The following ATP8A2 variants were observed in gnomAD, a reference collection of about 807,000 sequenced individuals.
The protein encoded by ATP8A2 is ATPase phospholipid transporting 8A2, also known as phospholipid-transporting ATPase IB.
In ATP8A2, 100 loss-of-function variants were observed where a neutral mutation model predicts 165.6. That is an observed-to-expected ratio of 0.60 (90% CI 0.51 to 0.71). ATP8A2 has a LOEUF of 0.71. ATP8A2 is among the 30% of genes least tolerant of loss of function. The pLI, the probability that ATP8A2 is intolerant of heterozygous loss-of-function variation, is 0.00. For synonymous variants in ATP8A2, 543 were observed against 548.8 expected (o/e 0.99, Z 0.15); for missense variants, 1,227 against 1,479.5 (o/e 0.83, Z 2.80).
At chr13:25,890,039 G>A (rs1953308727) in intron 33 of ATP8A2, among the ~76,000 whole-genome samples, 1 of 152,094 alleles carries the variant, frequency 6.6e-6, no homozygotes, top group African/African-American at 2.4e-5. Flanking sequence ...GCACGTGCCT[G>A]TAATCCCAGC....
At chr13:25,619,168 A>G (rs1372229941) in intron 24 of ATP8A2, among the ~76,000 whole-genome samples, 7 of 152,182 alleles carry the variant, frequency 4.6e-5, no homozygotes. Context: ...CTTTTCAGGG[A>G]GCAGAGGACA....
At chr13:25,979,393 C>T (rs566870867) in intron 35 of ATP8A2, among the ~76,000 whole-genome samples, 7 of 152,232 alleles carry the variant, frequency 4.6e-5, no homozygotes, top group South Asian at 4.1e-4. Flanking sequence ...CTTCTGTAGA[C>T]CAGGACACGT....
chr13:25,739,913 T>C (rs576868026), intron 25 of ATP8A2, among the ~76,000 whole-genome samples: 174 of 152,286 alleles, frequency 1.1e-3, no homozygotes, highest in African/African-American at 4.0e-3. Context: ...AGAAGAAATG[T>C]GCACCAAAAT....
intron 25 of ATP8A2, among the ~76,000 whole-genome samples, chr13:25,728,177 A>G (rs762588672): frequency 1.7e-4 from 26 of 152,218 alleles, no homozygotes; most frequent in Non-Finnish European, 3.7e-4. Context: ...TAAATGTAAC[A>G]ATATCTAAAT....
chr13:25,975,694 T>C (rs1956020042), intron 35 of ATP8A2, among the ~76,000 whole-genome samples: 1 of 152,194 alleles, frequency 6.6e-6, no homozygotes, highest in Admixed American at 6.5e-5. Flanking sequence ...CCAATCATTA[T>C]CAAGATTCGG....
chr13:25,471,229 T>G (rs778531150), intron 2 of ATP8A2, among the ~76,000 whole-genome samples: 23 of 152,238 alleles, frequency 1.5e-4, no homozygotes, highest in Non-Finnish European at 2.2e-4. Flanking sequence ...CAAGATGTAT[T>G]TTTGCTTAAT....
At chr13:25,784,516 A>C (rs1189570718) in intron 27 of ATP8A2, among the ~76,000 whole-genome samples, 2 of 152,182 alleles carry the variant, frequency 1.3e-5, no homozygotes, top group Admixed American at 1.3e-4. Flanking sequence ...ATTTTTCCAA[A>C]TTGGTTATGA....
chr13:25,389,982 C>T (rs2033186590), intron 1 of ATP8A2, among the ~76,000 whole-genome samples: 1 of 111,748 alleles, frequency 8.9e-6, no homozygotes, highest in South Asian at 3.3e-4. Context: ...CAATTTTTTG[C>T]CTTTTGTTTT....
intron 27 of ATP8A2, among the ~76,000 whole-genome samples, chr13:25,807,154 GT>G (rs55690312): frequency 0.56 from 81,053 of 145,790 alleles, 22,292 homozygotes; most frequent in South Asian, 0.67. Flanking sequence ...TCTTTATAGT[GT>G]TTTTTTTTTT....
At chr13:26,017,631 T>C (rs1485677420) in intron 36 of ATP8A2, among the ~76,000 whole-genome samples, 4 of 152,196 alleles carry the variant, frequency 2.6e-5, no homozygotes, top group African/African-American at 9.7e-5. Flanking sequence ...CCAAAAGCTC[T>C]TAGGAGAACA....
At chr13:26,010,538 T>C (rs936552360) in intron 35 of ATP8A2, among the ~76,000 whole-genome samples, 69 of 152,354 alleles carry the variant, frequency 4.5e-4, no homozygotes, top group African/African-American at 1.6e-3. Flanking sequence ...GCAGGAGTCA[T>C]GGCCAGTGCT....
intron 33 of ATP8A2, among the ~76,000 whole-genome samples, chr13:25,938,005 A>G (rs187860285): frequency 6.6e-6 from 1 of 152,246 alleles, no homozygotes; most frequent in East Asian, 1.9e-4. Flanking sequence ...AGAATCAGTC[A>G]AAAGTATTCC....
chr13:25,586,712 G>T (rs139258285), intron 23 of ATP8A2, among the ~76,000 whole-genome samples: 10 of 152,322 alleles, frequency 6.6e-5, no homozygotes, highest in Non-Finnish European at 1.5e-4. Context: ...TGGTGGATGT[G>T]ATCTCAGGAT....
At chr13:25,499,931 G>C (rs2036801565) in intron 2 of ATP8A2, among the ~76,000 whole-genome samples, 2 of 152,150 alleles carry the variant, frequency 1.3e-5, no homozygotes, top group South Asian at 4.1e-4. Flanking sequence ...AGCAGGGTGG[G>C]AGGAAGATAC....
chr13:25,465,671 CTTT>C, intron 1 of ATP8A2, among the ~76,000 whole-genome samples: 1 of 7,276 alleles, frequency 1.4e-4, no homozygotes, highest in South Asian at 5.1e-3. Flanking sequence ...AGTTTTCTTT[CTTT>C]CTTTCTTTCT....
At chr13:25,834,743 T>C (rs9581453) in intron 28 of ATP8A2, among the ~76,000 whole-genome samples, 1,831 of 152,278 alleles carry the variant, frequency 0.012, 42 homozygotes, top group African/African-American at 0.039. Context: ...GGTGCAATCA[T>C]AGCTCACTGC....
At chr13:26,010,543 A>G (rs948737013) in intron 35 of ATP8A2, among the ~76,000 whole-genome samples, 3 of 152,238 alleles carry the variant, frequency 2.0e-5, no homozygotes, top group Non-Finnish European at 4.4e-5. Context: ...AGTCATGGCC[A>G]GTGCTGGGCA....
intron 1 of ATP8A2, among the ~76,000 whole-genome samples, chr13:25,427,205 C>T (rs1258661166): frequency 6.6e-6 from 1 of 152,092 alleles, no homozygotes; most frequent in Non-Finnish European, 1.5e-5. Flanking sequence ...ACTGCCTGAG[C>T]TCCGCCTCCT....
chr13:25,819,440 C>A (rs1014853929), intron 27 of ATP8A2, among the ~76,000 whole-genome samples: 5 of 152,154 alleles, frequency 3.3e-5, no homozygotes, highest in African/African-American at 7.2e-5. Flanking sequence ...TTATTCCTGA[C>A]AACCTTTGCT....
Sources: gnomAD v4.1 joint callset for allele counts (sites outside exome capture counted in the v4.1 genomes callset) on GRCh38, gnomAD v4.1.1 for gene constraint, MANE v1.5 for transcripts, NCBI Gene and HGNC (gene_info 2026-07-23, HGNC 2026-07-21) for gene names.